Variants in MAN2B2 observed in about 807,000 individuals in gnomAD.
MAN2B2 encodes mannosidase alpha class 2B member 2, also known as epididymis-specific alpha-mannosidase.
MAN2B2 carries 106 observed loss-of-function variants against 117.1 expected under a neutral mutation model. The ratio of observed to expected loss-of-function variants is 0.90; its 90% CI spans 0.77 to 1.06. The LOEUF (loss-of-function observed/expected upper bound fraction) is 1.06. MAN2B2 is among the 50% of genes least tolerant of loss of function. The probability of loss-of-function intolerance (pLI) is 0.00; values close to 1 mark genes in which losing one functional copy is unlikely to be tolerated. For synonymous variants in MAN2B2, 544 were observed against 595.1 expected, an observed-to-expected ratio of 0.91 and a Z score of 1.25; for missense variants, 1,326 against 1,381.4, an observed-to-expected ratio of 0.96 and a Z score of 0.64.
rs1711538968 is a variant in MAN2B2, at chr4:6,611,210, C to T, written c.2495C>T (p.Thr832Ile). ...WLLLGSWSLT[T>I]ALRQRSALAL... ...CTGCTGGGATCCTGGTCCCTCACCA[C>T]TGCCCTGCGCCAGAGGAGCGCACTG... The change falls in exon 15 of 19, where the codon ACT (threonine) becomes ATT (isoleucine). Residue 832 changes from threonine to isoleucine, a missense_variant. Thr to Ile is a moderately conservative substitution (Grantham distance 89). Coordinates refer to ENST00000285599, the MANE Select transcript of MAN2B2 (RefSeq NM_015274.3). The T allele has an allele frequency of 1.2e-6, 2 of 1,613,746 alleles. No homozygotes were observed. Among genetic ancestry groups the T allele is most frequent in the African/African-American group, 1.3e-5 (1 of 74,942 alleles).
At chr4:6,581,099 G>C (rs1442976287) in intron 3 of MAN2B2, among the ~76,000 whole-genome samples, 1 of 152,004 alleles carries the variant, frequency 6.6e-6, no homozygotes, top group Non-Finnish European at 1.5e-5. Context: ...TCAGTCCTCA[G>C]GGCAATCTGG....
intron 17 of MAN2B2, chr4:6,619,588 C>A: frequency 4.0e-6 from 1 of 249,356 alleles, no homozygotes; most frequent in South Asian, 4.7e-5. Flanking sequence ...CCTCCCTGGA[C>A]TGGGCACGGG....
intron 11 of MAN2B2, among the ~76,000 whole-genome samples, chr4:6,608,497 C>T (rs773216799): frequency 6.6e-6 from 1 of 152,274 alleles, no homozygotes; most frequent in Non-Finnish European, 1.5e-5. Flanking sequence ...TTCTCCCATC[C>T]TCTGTCCTAA....
Position 6,594,364 on chromosome 4 carries a change from G to A in MAN2B2, c.859-170G>A, listed in dbSNP as rs139519457. ...GAAGAATCACTTGAACCCGGGAGGC[G>A]GAGGTTGCATGAGCCGAGATCAAGC... On this transcript the variant is annotated intron_variant, in intron 6 of 18. Transcript: ENST00000285599. Among the ~76,000 whole-genome samples the A allele has an allele frequency of 8.7e-3, 1,324 of 152,290 alleles. 24 individuals are homozygous for A. The highest frequency in any genetic ancestry group is 0.03 in the African/African-American group (1,236 of 41,548).
chr4:6,576,808 G>A, intron 2 of MAN2B2, 84 bp downstream of exon 2: 1 of 1,527,204 alleles, frequency 6.5e-7, no homozygotes, highest in Non-Finnish European at 9.0e-7. Context: ...GTTCTAGCCA[G>A]GGCCAGGGCC....
intron 1 of MAN2B2, among the ~76,000 whole-genome samples, chr4:6,575,565 G>T (rs1252170553): frequency 6.6e-6 from 1 of 152,250 alleles, no homozygotes; most frequent in Non-Finnish European, 1.5e-5. Context: ...GGGTGGTGCA[G>T]ATTGGAGGGA....
chr4:6,610,477 A>T (rs2108755143), intron 13 of MAN2B2, among the ~76,000 whole-genome samples: 2 of 152,318 alleles, frequency 1.3e-5, no homozygotes, highest in East Asian at 3.9e-4. Context: ...ATTCTTTTAA[A>T]GCCTGTGTAT....
At position 6,593,167 on chromosome 4, in the gene MAN2B2, G is replaced by C; in HGVS notation, c.681-6G>C. ...TCTTCTGCCCTAACCTTCTGCCCTC[G>C]CACAGGTCAGGATTTTACTGGAATG... On this transcript the variant is annotated splice_region_variant and splice_polypyrimidine_tract_variant and intron_variant, in intron 5 of 18. Coordinates refer to ENST00000285599, the MANE Select transcript of MAN2B2 (RefSeq NM_015274.3). 6.2e-7 allele frequency: 1 copy of C among 1,613,022 alleles called. No homozygotes were observed. Among genetic ancestry groups the C allele is most frequent in the Non-Finnish European group, 8.5e-7 (1 of 1,179,474 alleles).
chr4:6,597,190 T>C lies in MAN2B2; in HGVS notation c.1135T>C (p.Leu379=), dbSNP rs1245965597. 5 of 1,612,654 alleles carry C rather than the reference T, an allele frequency of 3.1e-6. No individual in the cohort carries two copies. The highest frequency in any genetic ancestry group is 2.7e-5 in the African/African-American group (2 of 74,920). Residue 379 remains leucine (L), a synonymous_variant, in exon 8 of 19, where the codon TTG becomes CTG. Transcript: ENST00000285599. ...GCTGGCCCGGCGAGCCAGCGCCTTG[T>C]TGTATGCCGGGGAGTCCATGTTCAC... is the stretch of plus-strand genomic sequence containing the variant. The part of the protein sequence containing the change: ...KGLARRASAL[L]YAGESMFTRY...
In MAN2B2 at chr4:6,609,089, T is replaced by C; in HGVS notation, c.1815-18T>C. ...TGTGCAGGATGAGAATGACATCTTC[T>C]CTCTCCTGCCTCTGCAGACAGAGTA... On this transcript the variant is annotated intron_variant, in intron 11 of 18. Coordinates refer to ENST00000285599, the MANE Select transcript of MAN2B2 (RefSeq NM_015274.3). The C allele has an allele frequency of 6.2e-7, 1 of 1,605,680 alleles. No homozygotes were observed. Among genetic ancestry groups the C allele is most frequent in the Non-Finnish European group, 8.5e-7 (1 of 1,174,828 alleles).
Position 6,576,663 on chromosome 4 carries a change from T to C in MAN2B2, c.224T>C (p.Val75Ala), listed in dbSNP as rs1183365005. Residue 75 changes from valine (V) to alanine (A), a missense_variant, in exon 2 of 19, where the codon GTG (valine) becomes GCG (alanine). Transcript: ENST00000285599. ...ARGQQRRFIA[V>A]EQEFFRLWWD... ...GGCCAGCAGCGCCGGTTCATCGCTG[T>C]GGAGCAGGAGTTTTTCCGGCTGTGG... 11 of 1,613,868 alleles carry C rather than the reference T, an allele frequency of 6.8e-6. No homozygotes were observed. Among genetic ancestry groups the C allele is most frequent in the Non-Finnish European group, 6.8e-6 (8 of 1,180,014 alleles).
At chr4:6,585,119 C>T (rs1332744997) in intron 3 of MAN2B2, among the ~76,000 whole-genome samples, 2 of 152,066 alleles carry the variant, frequency 1.3e-5, no homozygotes, top group Admixed American at 6.6e-5. Context: ...CACTCCTAGT[C>T]CACGCTCCCC....
At chr4:6,586,187 T>C (rs1290230039) in intron 3 of MAN2B2, among the ~76,000 whole-genome samples, 2 of 151,974 alleles carry the variant, frequency 1.3e-5, no homozygotes, top group African/African-American at 2.4e-5. Context: ...TACCTGGGAC[T>C]ACAGGCATGT....
intron 11 of MAN2B2, among the ~76,000 whole-genome samples, chr4:6,607,599 G>T (rs150269965): frequency 3.3e-3 from 508 of 152,338 alleles, no homozygotes; most frequent in Admixed American, 5.3e-3. Context: ...TCCATCGCAT[G>T]TATGTACCAT....
At position 6,586,051 on chromosome 4, in the gene MAN2B2, T is replaced by C. The variant is rs1178042934; in HGVS notation, c.392-945T>C. On this transcript the variant is annotated intron_variant, in intron 3 of 18. Transcript: ENST00000285599. ...AATAATTTATGGACATCTTTTCTTG[T>C]GGTTTTTTTTTTTTTGAGACAGAGT... Among the ~76,000 whole-genome samples the C allele has an allele frequency of 6.7e-5, 10 of 149,838 alleles. No individual in the cohort carries two copies. The South Asian group carries it at 1.7e-3, about 25-fold the overall frequency.
In MAN2B2 at chr4:6,593,364, C is replaced by T. The variant is rs755504489; in HGVS notation, c.858+14C>T. 1.1e-5 allele frequency: 17 copies of T among 1,606,670 alleles called. No homozygotes were observed. The African/African-American group carries it at 1.9e-4, about 18-fold the overall frequency. On this transcript the variant is annotated intron_variant, in intron 6 of 18. Transcript: ENST00000285599. Reference sequence around the variant, plus strand: ...CTCTGGCCCTGGGTAAGGCAGAGTCCCAGGTGCTGTGCCCTCAACACAGCC... The same window carrying T: ...CTCTGGCCCTGGGTAAGGCAGAGTCTCAGGTGCTGTGCCCTCAACACAGCC...
chr4:6,619,786 G>A (rs1712071753), intron 17 of MAN2B2, 141 bp from the exon 18 acceptor site: 4 of 689,366 alleles, frequency 5.8e-6, no homozygotes. Flanking sequence ...GCAGATGAGG[G>A]AGCTGTGTCA....
At chr4:6,611,423 T>C in intron 15 of MAN2B2, 145 bp downstream of exon 15, 1 of 785,836 alleles carries the variant, frequency 1.3e-6, no homozygotes, top group Non-Finnish European at 2.0e-6. Flanking sequence ...CCCAAGCCCC[T>C]CATTTAACAG....
At chr4:6,608,581 C>A (rs1297454932) in intron 11 of MAN2B2, among the ~76,000 whole-genome samples, 1 of 152,236 alleles carries the variant, frequency 6.6e-6, no homozygotes, top group Middle Eastern at 3.2e-3. Flanking sequence ...GGCTTGCACA[C>A]TTCCTAGATG....
Sources: allele counts gnomAD v4.1 joint callset (sites outside exome capture counted in the v4.1 genomes callset), GRCh38; gene constraint gnomAD v4.1.1; transcripts MANE v1.5; gene names NCBI Gene and HGNC (gene_info 2026-07-23, HGNC 2026-07-21).